CCDC141: variants seen among roughly 807,000 people sequenced by gnomAD.
CCDC141 encodes coiled-coil domain-containing protein 141.
CCDC141 carries 168 observed loss-of-function variants against 181.0 expected under a neutral mutation model. The ratio of observed to expected loss-of-function variants is 0.93; its 90% CI spans 0.82 to 1.05. The LOEUF (loss-of-function observed/expected upper bound fraction) is 1.05, where lower values mean the gene tolerates loss of function less well. CCDC141 is among the 50% of genes least tolerant of loss of function. The pLI, the probability that CCDC141 is intolerant of heterozygous loss-of-function variation, is 0.00. For missense variants in CCDC141, 1,902 were observed against 1,788.5 expected, an observed-to-expected ratio of 1.06 and a Z score of -1.14; for synonymous variants, 666 against 642.3, an observed-to-expected ratio of 1.04 and a Z score of -0.56.
chr2:178,888,743 C>G, intron 8 of CCDC141, 75 bp from the exon 9 acceptor site: 1 of 1,489,564 alleles, frequency 6.7e-7, no homozygotes, highest in South Asian at 1.2e-5. Context: ...CAGATCTGCT[C>G]TCATGTTAGG....
At chr2:178,846,513 C>G (rs896533965) in intron 21 of CCDC141, among the ~76,000 whole-genome samples, 1 of 152,166 alleles carries the variant, frequency 6.6e-6, no homozygotes, top group Non-Finnish European at 1.5e-5. Flanking sequence ...AATGCATATG[C>G]AACACTGGCT....
At chr2:178,927,616 G>A (rs573925947) in intron 6 of CCDC141, among the ~76,000 whole-genome samples, 67 of 152,226 alleles carry the variant, frequency 4.4e-4, no homozygotes, top group Middle Eastern at 6.8e-3. Context: ...ATTAATAAGA[G>A]TTTCCTATAG....
chr2:178,989,843 A>G (rs1459881599), intron 2 of CCDC141, among the ~76,000 whole-genome samples: 1 of 146,716 alleles, frequency 6.8e-6, no homozygotes, highest in Non-Finnish European at 1.5e-5. Context: ...AAAAAAAAAA[A>G]AAAAAAAAAA....
intron 4 of CCDC141, among the ~76,000 whole-genome samples, chr2:178,972,663 G>A (rs1030440698): frequency 5.3e-5 from 8 of 152,222 alleles, no homozygotes; most frequent in East Asian, 1.9e-4. Flanking sequence ...TAAGTAATCC[G>A]GAAACCATAT....
intron 8 of CCDC141, among the ~76,000 whole-genome samples, chr2:178,901,491 G>A (rs1423764355): frequency 3.3e-5 from 5 of 151,998 alleles, no homozygotes; most frequent in South Asian, 2.1e-4. Context: ...TATAAACAGA[G>A]CCAAAGACAA....
intron 8 of CCDC141, among the ~76,000 whole-genome samples, chr2:178,900,132 A>C (rs1687616514): frequency 6.6e-6 from 1 of 152,182 alleles, no homozygotes; most frequent in South Asian, 2.1e-4. Context: ...AGGAAACCAA[A>C]TACCTTGGAA....
chr2:179,029,863 G>C (rs1004331591), intron 2 of CCDC141, among the ~76,000 whole-genome samples: 10 of 151,944 alleles, frequency 6.6e-5, no homozygotes, highest in Non-Finnish European at 1.5e-4. Context: ...TTCTGTTCTT[G>C]GAAGAAAAAG....
intron 4 of CCDC141, among the ~76,000 whole-genome samples, chr2:178,965,148 T>C (rs911933504): frequency 2.6e-5 from 4 of 152,212 alleles, no homozygotes; most frequent in Admixed American, 2.0e-4. Flanking sequence ...CCTGAGATCA[T>C]GTAAGATATT....
intron 6 of CCDC141, among the ~76,000 whole-genome samples, chr2:178,924,282 T>G (rs1316861791): frequency 6.6e-6 from 1 of 152,232 alleles, no homozygotes; most frequent in Non-Finnish European, 1.5e-5. Context: ...TGAGTTCATG[T>G]ATAGTTCCCA....
At chr2:178,857,675 A>T (rs1019131490) in intron 17 of CCDC141, among the ~76,000 whole-genome samples, 25 of 152,302 alleles carry the variant, frequency 1.6e-4, no homozygotes, top group African/African-American at 6.0e-4. Flanking sequence ...AAGTACAGAG[A>T]AAAAAACACC....
At chr2:179,047,972 T>A (rs1355731634) in intron 1 of CCDC141, among the ~76,000 whole-genome samples, 1 of 152,224 alleles carries the variant, frequency 6.6e-6, no homozygotes, top group African/African-American at 2.4e-5. Context: ...CAACCTTAGT[T>A]GTTGAATATT....
intron 2 of CCDC141, among the ~76,000 whole-genome samples, chr2:178,999,003 T>C (rs1475999771): frequency 6.6e-6 from 1 of 152,190 alleles, no homozygotes; most frequent in Non-Finnish European, 1.5e-5. Flanking sequence ...TTGGATTGCA[T>C]CTCTGTACAG....
At chr2:178,930,205 T>C (rs561895596) in intron 6 of CCDC141, among the ~76,000 whole-genome samples, 1 of 152,190 alleles carries the variant, frequency 6.6e-6, no homozygotes, top group South Asian at 2.1e-4. Context: ...AATGATTTCA[T>C]TCATGGTAGC....
At chr2:178,968,955 C>T (rs947556298) in intron 4 of CCDC141, among the ~76,000 whole-genome samples, 1 of 151,896 alleles carries the variant, frequency 6.6e-6, no homozygotes, top group African/African-American at 2.4e-5. Flanking sequence ...CTATAAACAC[C>T]TCTATGCAAA....
chr2:178,837,641 T>A lies in CCDC141; in HGVS notation c.3578A>T (p.Asp1193Val). Residue 1193 changes from aspartate (D) to valine (V), a missense_variant, in exon 23 of 24, where the codon GAC (aspartate) becomes GTC (valine). By Grantham distance (152) the Asp-to-Val change is radical. Coordinates refer to ENST00000443758, the MANE Select transcript of CCDC141 (RefSeq NM_173648.4). ...GAGCATGTCTTCAGGCAGGAGCAGGTCCTGGACGCCACCCTCCTTGTCAGT... is the reference window on the plus strand; with the variant it reads ...GAGCATGTCTTCAGGCAGGAGCAGGACCTGGACGCCACCCTCCTTGTCAGT... Reference protein sequence around the residue: ...VSTDKEGGVQDLLLPEDMLSG... With the variant: ...VSTDKEGGVQVLLLPEDMLSG... The A allele has an allele frequency of 6.2e-7, 1 of 1,614,068 alleles. No individual in the cohort carries two copies. The highest frequency in any genetic ancestry group is 8.5e-7 in the Non-Finnish European group (1 of 1,179,954).
intron 8 of CCDC141, among the ~76,000 whole-genome samples, chr2:178,899,846 G>A (rs1369525789): frequency 1.3e-5 from 2 of 152,074 alleles, no homozygotes; most frequent in Non-Finnish European, 2.9e-5. Context: ...TTTCTTTCCT[G>A]TGATGATGAC....
chr2:178,983,166 C>T (rs565879510), intron 2 of CCDC141, among the ~76,000 whole-genome samples: 36 of 152,314 alleles, frequency 2.4e-4, no homozygotes, highest in African/African-American at 6.3e-4. Flanking sequence ...CCCTGACCCC[C>T]GACCAGCCTA....
chr2:179,004,459 TTA>T (rs770210244), intron 2 of CCDC141, among the ~76,000 whole-genome samples: 12 of 152,174 alleles, frequency 7.9e-5, no homozygotes, highest in Non-Finnish European at 1.6e-4. Context: ...GATAGGTAAA[TTA>T]TATGTCAAAA....
chr2:178,843,191 G>A (rs146024093), intron 22 of CCDC141, among the ~76,000 whole-genome samples: 20 of 152,252 alleles, frequency 1.3e-4, no homozygotes, highest in African/African-American at 4.3e-4. Flanking sequence ...TTGGTCTTGC[G>A]GGAAAAGTGT....
Sources: gnomAD v4.1 joint callset for allele counts (sites outside exome capture counted in the v4.1 genomes callset) on GRCh38, gnomAD v4.1.1 for gene constraint, MANE v1.5 for transcripts, NCBI Gene and HGNC (gene_info 2026-07-23, HGNC 2026-07-21) for gene names.